EVI5L: variants seen among roughly 807,000 people sequenced by gnomAD.
The protein encoded by EVI5L is ecotropic viral integration site 5 like, also known as EVI5-like protein.
In EVI5L, 30 loss-of-function variants were observed where a neutral mutation model predicts 106.1. That is an observed-to-expected ratio of 0.28 (90% CI 0.21 to 0.38). EVI5L has a LOEUF of 0.38. EVI5L is among the 10% of genes least tolerant of loss of function. EVI5L has a pLI of 1.00. For synonymous variants in EVI5L, 489 were observed against 483.3 expected, an observed-to-expected ratio of 1.01 and a Z score of -0.15; for missense variants, 809 against 1,098.0, an observed-to-expected ratio of 0.74 and a Z score of 3.72.
chr19:7,838,245 A>G lies in EVI5L; in HGVS notation c.-48+7864A>G, dbSNP rs181966276. The stretch of plus-strand genomic sequence containing the variant: ...TGCCTCAGCCTCCTGAGTAGCTCAG[A>G]TTACAGGCATGTGCCACCACGCCCA... On this transcript the variant is annotated intron_variant, in intron 1 of 19. Coordinates refer to ENST00000538904, the MANE Select transcript of EVI5L (RefSeq NM_001159944.3). 7.2e-5 allele frequency among the ~76,000 whole-genome samples: 11 copies of G among 152,050 alleles called. No homozygotes were observed. The East Asian group carries it at 1.9e-3, about 27-fold the overall frequency.
Position 7,863,099 on chromosome 19 carries a change from GGCGGGGGCAGGGCCCGGGGCAGGA to G in EVI5L, c.2043+39_2044-56del, listed in dbSNP as rs1209045980. 2.8e-6 allele frequency: 2 copies of G among 707,458 alleles called. No individual in the cohort carries two copies. The highest frequency in any genetic ancestry group is 3.6e-5 in the African/African-American group (2 of 55,190). 43.8% of individuals were successfully genotyped at this position (707,458 alleles called of 1,614,324 possible). On this transcript the variant is annotated intron_variant, in intron 18 of 19. Transcript: ENST00000538904. The surrounding 1 kb of genome is among the most constrained non-coding windows in gnomAD (Gnocchi z 7.7). Reference sequence around the variant, plus strand: ...GGCGGGGCCGGGGTCGGGGGGCGGGGGCGGGGGCAGGGCCCGGGGCAGGAGCGGGGCCGGACCCCAGGCCCAGCA... The same window carrying G: ...GGCGGGGCCGGGGTCGGGGGGCGGGGGCGGGGCCGGACCCCAGGCCCAGCA...
intron 8 of EVI5L, among the ~76,000 whole-genome samples, chr19:7,852,626 A>G (rs944471477): frequency 1.3e-5 from 2 of 150,416 alleles, no homozygotes; most frequent in African/African-American, 2.5e-5. Context: ...GTCCTAGCTC[A>G]CTGCAGCCTC....
At position 7,834,453 on chromosome 19, in the gene EVI5L, G is replaced by T. The variant is rs145155148; in HGVS notation, c.-48+4072G>T. On this transcript the variant is annotated intron_variant, in intron 1 of 19. Transcript: ENST00000538904. ...AGAAAGAAAATTTTTTTTTAGGTCA[G>T]AAAGGATTCTGCAGGTCAGAATGGT... Among the ~76,000 whole-genome samples the T allele has an allele frequency of 2.2e-3, 334 of 152,254 alleles. 3 individuals carry two copies. The highest frequency in any genetic ancestry group is 7.7e-3 in the African/African-American group (321 of 41,564).
At chr19:7,862,929 C>T (rs1169152009) in intron 17 of EVI5L, 43 bp from the exon 18 acceptor site, 2 of 1,312,244 alleles carry the variant, frequency 1.5e-6, no homozygotes, top group East Asian at 2.8e-5. Context: ...ATGCGCCGCG[C>T]CCCCTGACCC....
rs1980049793 is a variant in EVI5L at position 7,864,884 on chromosome 19, GC to G, written c.*1187del. The G allele has an allele frequency of 6.6e-6, 1 of 152,436 alleles. No homozygotes were observed. Among genetic ancestry groups the G allele is most frequent in the Non-Finnish European group, 1.5e-5 (1 of 68,074 alleles). 9.4% of individuals were successfully genotyped at this position (152,436 alleles called of 1,614,324 possible). A position where few individuals can be genotyped will look rare whatever the true frequency, so the allele number is the denominator to read the frequency against. On this transcript the variant is annotated 3_prime_UTR_variant, in exon 20 of 20. Coordinates refer to ENST00000538904, the MANE Select transcript of EVI5L (RefSeq NM_001159944.3). This position sits in a 1 kb window ranked among gnomAD's most constrained non-coding sequence, Gnocchi z 4.5. ...CAGGCACCCACGGGGCTCTCCACACGCCCCCTACACTGCCCGCCACCATTTT... is the reference window on the plus strand; with the variant it reads ...CAGGCACCCACGGGGCTCTCCACACGCCCCTACACTGCCCGCCACCATTTT...
intron 10 of EVI5L, 87 bp downstream of exon 10, chr19:7,853,420 C>A: frequency 1.3e-6 from 2 of 1,520,306 alleles, no homozygotes; most frequent in Non-Finnish European, 8.9e-7. Flanking sequence ...CGCTAGGGGG[C>A]GGGCCTTCCC....
intron 9 of EVI5L, 43 bp downstream of exon 9, chr19:7,853,226 G>GA: frequency 6.2e-7 from 1 of 1,613,938 alleles, no homozygotes; most frequent in South Asian, 1.1e-5. Context: ...AAGAAGGGGG[G>GA]ACCCCCGAGG....
In EVI5L at chr19:7,857,014, T is replaced by C. The variant is rs1979560498; in HGVS notation, c.1201-78T>C. 2 of 1,467,468 alleles carry C rather than the reference T, an allele frequency of 1.4e-6. No individual in the cohort carries two copies. Among genetic ancestry groups the C allele is most frequent in the Non-Finnish European group, 9.3e-7 (1 of 1,070,732 alleles). 90.9% of individuals were successfully genotyped at this position (1,467,468 alleles called of 1,614,324 possible). A position where few individuals can be genotyped will look rare whatever the true frequency, so the allele number is the denominator to read the frequency against. ...CTGCGTTAGTGACAAGTGGTTCTTG[T>C]CTGTCTCCCCTCTCCTGTCCCCGCG... On this transcript the variant is annotated intron_variant, in intron 11 of 19. Coordinates refer to ENST00000538904, the MANE Select transcript of EVI5L (RefSeq NM_001159944.3). The surrounding 1 kb of genome is among the most constrained non-coding windows in gnomAD (Gnocchi z 4.5).
chr19:7,855,921 C>T (rs1160221835), intron 10 of EVI5L, 94 bp from the exon 11 acceptor site: 4 of 1,193,606 alleles, frequency 3.4e-6, no homozygotes, highest in Middle Eastern at 2.1e-4. Context: ...TGGCCTGGCC[C>T]TAAGGGGACT....
intron 1 of EVI5L, among the ~76,000 whole-genome samples, chr19:7,842,720 ATGTG>A (rs1033462715): frequency 6.6e-6 from 1 of 150,798 alleles, no homozygotes; most frequent in South Asian, 2.1e-4. Flanking sequence ...GTGCACGAGT[ATGTG>A]TGTATTGTGT....
At chr19:7,830,707 G>A (rs1978290527) in intron 1 of EVI5L, among the ~76,000 whole-genome samples, 1 of 141,708 alleles carries the variant, frequency 7.1e-6, no homozygotes, top group South Asian at 2.3e-4. Context: ...ACCCCCTCAG[G>A]GCTCCCCATC....
intron 1 of EVI5L, among the ~76,000 whole-genome samples, chr19:7,832,066 G>A (rs2146407712): frequency 6.6e-6 from 1 of 152,346 alleles, no homozygotes; most frequent in South Asian, 2.1e-4. Flanking sequence ...TTGAGCTAGA[G>A]GACCCGTGTC....
chr19:7,832,422 G>T (rs139902767), intron 1 of EVI5L, among the ~76,000 whole-genome samples: 1 of 152,202 alleles, frequency 6.6e-6, no homozygotes, highest in African/African-American at 2.4e-5. Flanking sequence ...ATTCACTAGC[G>T]GATTGTGGAC....
chr19:7,852,203 C>A (rs1424054136), intron 8 of EVI5L, among the ~76,000 whole-genome samples: 1 of 152,224 alleles, frequency 6.6e-6, no homozygotes, highest in Non-Finnish European at 1.5e-5. Flanking sequence ...GCCCGGCCTG[C>A]CTGGAGGCCC....
At chr19:7,862,343 C>T in intron 16 of EVI5L, 45 bp from the exon 17 acceptor site, 2 of 1,580,102 alleles carry the variant, frequency 1.3e-6, no homozygotes, top group Non-Finnish European at 1.7e-6. Context: ...CTGAGTTAGG[C>T]CCTGACCGCC....
Position 7,848,319 on chromosome 19 carries a change from G to A in EVI5L, c.327+398G>A, listed in dbSNP as rs1047381057. 8.5e-5 allele frequency among the ~76,000 whole-genome samples: 13 copies of A among 152,176 alleles called. No homozygotes were observed. Among genetic ancestry groups the A allele is most frequent in the South Asian group, 4.1e-4 (2 of 4,830 alleles). On this transcript the variant is annotated intron_variant, in intron 3 of 19. Transcript: ENST00000538904. This position sits in a 1 kb window ranked among gnomAD's most constrained non-coding sequence, Gnocchi z 4.8. Reference sequence around the variant, plus strand: ...AGTTTAAAAATTAGCCAGGTAGGCCGGGCGCAGTGGCTCACGCCTGTAATC... The same window carrying A: ...AGTTTAAAAATTAGCCAGGTAGGCCAGGCGCAGTGGCTCACGCCTGTAATC...
intron 1 of EVI5L, among the ~76,000 whole-genome samples, chr19:7,843,598 AGTGT>A (rs538766066): frequency 8.5e-6 from 1 of 118,258 alleles, no homozygotes; most frequent in Non-Finnish European, 1.7e-5. Context: ...GTGTGTGTCA[AGTGT>A]GTGTGTATAG....
chr19:7,854,281 CA>C lies in EVI5L; in HGVS notation c.1146+964del, dbSNP rs56186481. ...TGGGCGACAGAGTGAGACTGTGTCT[CA>C]AAAAAAAAAAAAAAAGAAAAGAAAA... On this transcript the variant is annotated intron_variant, in intron 10 of 19. Transcript: ENST00000538904. 4.5e-3 allele frequency among the ~76,000 whole-genome samples: 430 copies of C among 94,718 alleles called. 2 individuals are homozygous for C. The highest frequency in any genetic ancestry group is 0.034 in the Middle Eastern group (7 of 204). The allele number at this position is 94,718 out of a possible 152,430, so 62.1% of individuals were successfully genotyped here. A position where few individuals can be genotyped will look rare whatever the true frequency, so the allele number is the denominator to read the frequency against.
At chr19:7,833,781 C>A (rs1185674872) in intron 1 of EVI5L, among the ~76,000 whole-genome samples, 2 of 152,142 alleles carry the variant, frequency 1.3e-5, no homozygotes, top group African/African-American at 4.8e-5. Context: ...CAAAGGGGAT[C>A]CCTAGTTGGG....
Sources: gnomAD v4.1 joint callset for allele counts (sites outside exome capture counted in the v4.1 genomes callset) on GRCh38, gnomAD v4.1.1 for gene constraint, Gnocchi (gnomAD v3.1) non-coding constraint, MANE v1.5 for transcripts, NCBI Gene and HGNC (gene_info 2026-07-23, HGNC 2026-07-21) for gene names.